Variants in HAPLN1 observed in about 807,000 individuals in gnomAD.
HAPLN1 encodes Cartilage link protein.
Under a neutral mutation model 36.5 loss-of-function variants are expected in HAPLN1, and 13 were observed. The ratio of observed to expected loss-of-function variants is 0.36; its 90% CI spans 0.23 to 0.57. The LOEUF (loss-of-function observed/expected upper bound fraction) is 0.57. HAPLN1 is among the 20% of genes least tolerant of loss of function. HAPLN1 has a pLI of 0.83. For synonymous variants in HAPLN1, 202 were observed against 169.8 expected (o/e 1.19, Z -1.48); for missense variants, 407 against 439.7 (o/e 0.93, Z 0.66).
intron 1 of HAPLN1, among the ~76,000 whole-genome samples, chr5:83,684,670 G>A (rs1028284963): frequency 1.3e-5 from 2 of 152,136 alleles, no homozygotes; most frequent in Non-Finnish European, 2.9e-5. Flanking sequence ...TAGTTGGAGA[G>A]TGGGGTGATC....
chr5:83,691,083 A>G (rs562734247), intron 1 of HAPLN1, among the ~76,000 whole-genome samples: 13 of 152,108 alleles, frequency 8.5e-5, no homozygotes, highest in Admixed American at 2.0e-4. Context: ...AAAGAACAGT[A>G]ACTTCTGATT....
Position 83,673,513 on chromosome 5 carries a change from A to G in HAPLN1, c.11T>C (p.Leu4Pro), listed in dbSNP as rs939943040. 8.7e-6 allele frequency: 14 copies of G among 1,611,448 alleles called. No individual in the cohort carries two copies. In the African/African-American group the frequency reaches 1.6e-4, roughly 18 times the overall value. The change falls in exon 2 of 5, where the codon CTA becomes CCA. Residue 4 changes from leucine (L) to proline (P), a missense_variant. Physicochemically the swap from Leu to Pro is moderately conservative, Grantham distance 98. Transcript: ENST00000274341. MKSLLLLVLISICW... is the reference protein window; with the variant it reads MKSPLLLVLISICW... ...GATTGAAATCAGCACCAGAAGAAGT[A>G]GACTCTTCATCTTTATAGCCCAAAG...
chr5:83,673,581 G>A (rs1561311721), intron 1 of HAPLN1, 32 bp from the exon 2 acceptor site: 3 of 1,285,492 alleles, frequency 2.3e-6, no homozygotes, highest in East Asian at 2.3e-5. Flanking sequence ...AGAGGCTTGT[G>A]AGATTTGGAA....
At chr5:83,697,371 C>T (rs2112625725) in intron 1 of HAPLN1, among the ~76,000 whole-genome samples, 1 of 152,236 alleles carries the variant, frequency 6.6e-6, no homozygotes, top group East Asian at 1.9e-4. Context: ...ATCAGTACTT[C>T]ATTCTTTTTA....
chr5:83,673,061 C>G (rs532404059), intron 2 of HAPLN1, among the ~76,000 whole-genome samples: 43 of 152,338 alleles, frequency 2.8e-4, no homozygotes, highest in African/African-American at 1.0e-3. Context: ...AACAGTTACT[C>G]TAACAGAATG....
intron 1 of HAPLN1, among the ~76,000 whole-genome samples, chr5:83,701,823 G>A (rs1449708100): frequency 6.6e-6 from 1 of 151,996 alleles, no homozygotes; most frequent in African/African-American, 2.4e-5. Flanking sequence ...CTGCTTGGGA[G>A]GCTGAGGCAG....
chr5:83,696,874 T>A (rs1367787169), intron 1 of HAPLN1, among the ~76,000 whole-genome samples: 1 of 152,190 alleles, frequency 6.6e-6, no homozygotes, highest in Non-Finnish European at 1.5e-5. Context: ...GTTACTGAGT[T>A]TTGAAACATT....
At chr5:83,702,257 G>A (rs1338639187) in intron 1 of HAPLN1, among the ~76,000 whole-genome samples, 1 of 151,926 alleles carries the variant, frequency 6.6e-6, no homozygotes, top group Non-Finnish European at 1.5e-5. Flanking sequence ...CTTTTACTTT[G>A]GCCTGCCTTT....
chr5:83,647,845 A>G (rs1749918380), intron 3 of HAPLN1, among the ~76,000 whole-genome samples: 1 of 152,222 alleles, frequency 6.6e-6, no homozygotes, highest in African/African-American at 2.4e-5. Context: ...GCGACCATGT[A>G]GCATAAATAA....
At chr5:83,648,561 T>G (rs1749954109) in intron 3 of HAPLN1, among the ~76,000 whole-genome samples, 1 of 151,462 alleles carries the variant, frequency 6.6e-6, no homozygotes, top group Non-Finnish European at 1.5e-5. Context: ...TGAAGAATTT[T>G]TTTTTCTAAT....
At position 83,708,764 on chromosome 5, in the gene HAPLN1, C is replaced by T. The variant is rs140850923; in HGVS notation, c.-27+12025G>A. Among the ~76,000 whole-genome samples the T allele has an allele frequency of 1.6e-3, 241 of 152,338 alleles. 1 individual carries two copies. The highest frequency in any genetic ancestry group is 5.6e-3 in the African/African-American group (233 of 41,578). On this transcript the variant is annotated intron_variant, in intron 1 of 4. Transcript: ENST00000274341. The stretch of plus-strand genomic sequence containing the variant: ...AAGTATTTTACTTACATAGTAGATA[C>T]TCTTCCTTCTGCTACATTAAAAATA...
chr5:83,707,785 G>T (rs10060891), intron 1 of HAPLN1, among the ~76,000 whole-genome samples: 40,758 of 151,958 alleles, frequency 0.27, 6,075 homozygotes, highest in Non-Finnish European at 0.34. Flanking sequence ...ACTGTGAACA[G>T]AGTAAACAAC....
chr5:83,659,434 T>C (rs906469512), intron 2 of HAPLN1, among the ~76,000 whole-genome samples: 4 of 152,108 alleles, frequency 2.6e-5, no homozygotes, highest in African/African-American at 9.7e-5. Flanking sequence ...TATCTGAAAG[T>C]ATTCACAAGA....
chr5:83,700,430 C>T (rs77282287), intron 1 of HAPLN1, among the ~76,000 whole-genome samples: 2,486 of 152,138 alleles, frequency 0.016, 67 homozygotes, highest in African/African-American at 0.055. Context: ...TATTATTATG[C>T]AGAAGTCACA....
intron 2 of HAPLN1, among the ~76,000 whole-genome samples, chr5:83,660,552 T>G (rs1750357119): frequency 1.3e-5 from 2 of 152,148 alleles, no homozygotes; most frequent in South Asian, 4.1e-4. Flanking sequence ...TGTTCTGAGA[T>G]GTACACCAGA....
intron 1 of HAPLN1, among the ~76,000 whole-genome samples, chr5:83,695,777 C>CT (rs1248214071): frequency 1.3e-5 from 2 of 151,472 alleles, no homozygotes; most frequent in African/African-American, 4.8e-5. Flanking sequence ...CTTCCTCAAT[C>CT]TGATAAAGGG....
chr5:83,645,458 C>CT (rs1749833410), intron 3 of HAPLN1, among the ~76,000 whole-genome samples: 2 of 81,184 alleles, frequency 2.5e-5, no homozygotes, highest in South Asian at 4.4e-4. Context: ...TTGTGATTTT[C>CT]TTTTTTCTTT....
chr5:83,719,566 A>C (rs1228779230), intron 1 of HAPLN1, among the ~76,000 whole-genome samples: 1 of 152,224 alleles, frequency 6.6e-6, no homozygotes, highest in Non-Finnish European at 1.5e-5. Flanking sequence ...ACTGAATGGA[A>C]GAGAAACTTT....
At chr5:83,656,289 C>G (rs1429304763) in intron 2 of HAPLN1, among the ~76,000 whole-genome samples, 1 of 126,436 alleles carries the variant, frequency 7.9e-6, no homozygotes, top group African/African-American at 3.0e-5. Flanking sequence ...GATTGTGTCG[C>G]TGTACCCCAG....
Sources: gnomAD v4.1 joint callset for allele counts (sites outside exome capture counted in the v4.1 genomes callset) on GRCh38, gnomAD v4.1.1 for gene constraint, MANE v1.5 for transcripts, NCBI Gene and HGNC (gene_info 2026-07-23, HGNC 2026-07-21) for gene names.